NCAPG2: variants seen among roughly 807,000 people sequenced by gnomAD.
The protein encoded by NCAPG2 is non-SMC condensin II complex subunit G2, also known as condensin-2 complex subunit G2.
NCAPG2 carries 53 observed loss-of-function variants against 141.1 expected under a neutral mutation model. That is an observed-to-expected ratio of 0.38 (90% CI 0.30 to 0.47). The LOEUF (loss-of-function observed/expected upper bound fraction) is 0.47, where lower values mean the gene tolerates loss of function less well. Among genes scored for constraint, NCAPG2 ranks in the 20% least tolerant of loss-of-function variants. NCAPG2 has a pLI of 0.99. For synonymous variants in NCAPG2, 499 were observed against 490.7 expected (o/e 1.02, Z -0.22); for missense variants, 1,087 against 1,389.0 (o/e 0.78, Z 3.46).
intron 22 of NCAPG2, among the ~76,000 whole-genome samples, chr7:158,653,974 G>A (rs1370022452): frequency 6.6e-6 from 1 of 152,126 alleles, no homozygotes; most frequent in Non-Finnish European, 1.5e-5. Flanking sequence ...TAGGGGCTAG[G>A]CGTCAGGGGC....
At chr7:158,696,485 C>A (rs938714309) in intron 2 of NCAPG2, 1 of 152,118 alleles carries the variant, frequency 6.6e-6, no homozygotes, top group Non-Finnish European at 1.5e-5. Flanking sequence ...AACAGAATAT[C>A]TTTTAGAAAA....
intron 8 of NCAPG2, among the ~76,000 whole-genome samples, chr7:158,683,971 T>G (rs1414789711): frequency 6.6e-6 from 1 of 152,224 alleles, no homozygotes; most frequent in African/African-American, 2.4e-5. Flanking sequence ...AAAACCCCAG[T>G]GGACCCTATG....
rs766173486 is a variant in NCAPG2, at chr7:158,656,606, C to G, written c.2160G>C (p.Gly720=). The G allele has an allele frequency of 5.0e-6, 8 of 1,613,986 alleles. No individual in the cohort carries two copies. The African/African-American group carries it at 9.3e-5, about 19-fold the overall frequency. The change falls in exon 18 of 28, where the codon GGG becomes GGC. Residue 720 remains glycine, a synonymous_variant. Coordinates refer to ENST00000356309, the MANE Select transcript of NCAPG2 (RefSeq NM_017760.7). ...LDCLCSWGQV[G]HILELVDNWL... is the part of the protein sequence containing the mutation. The stretch of plus-strand genomic sequence containing the variant: ...AGTTGTCAACAAGCTCCAGAATGTG[C>G]CCCACCTGCCCCCAGGAGCAGAGGC...
At chr7:158,681,383 A>C (rs150215565) in intron 9 of NCAPG2, among the ~76,000 whole-genome samples, 312 of 152,228 alleles carry the variant, frequency 2.0e-3, no homozygotes, top group African/African-American at 6.7e-3. Flanking sequence ...TTCTTTTCCT[A>C]CTCACTTCTT....
At chr7:158,637,114 A>G (rs1830269122) in intron 27 of NCAPG2, among the ~76,000 whole-genome samples, 1 of 151,856 alleles carries the variant, frequency 6.6e-6, no homozygotes, top group Non-Finnish European at 1.5e-5. Flanking sequence ...TGCCCGGCTA[A>G]TTTTTTATAT....
intron 26 of NCAPG2, among the ~76,000 whole-genome samples, chr7:158,645,191 T>C (rs190781414): frequency 5.5e-4 from 84 of 152,246 alleles, no homozygotes; most frequent in East Asian, 1.9e-3. Flanking sequence ...AAGATACAGG[T>C]AACACATCAA....
At chr7:158,664,429 T>C in intron 14 of NCAPG2, 99 bp downstream of exon 14, 5 of 1,500,804 alleles carry the variant, frequency 3.3e-6, no homozygotes, top group Non-Finnish European at 4.6e-6. Context: ...TGCATTAAAG[T>C]ATGAAGCTTA....
At chr7:158,690,197 G>C (rs147120621) in intron 5 of NCAPG2, among the ~76,000 whole-genome samples, 2 of 152,278 alleles carry the variant, frequency 1.3e-5, no homozygotes, top group African/African-American at 4.8e-5. Flanking sequence ...CCTCGATGAT[G>C]AAGATTTTAT....
chr7:158,702,174 T>C, intron 1 of NCAPG2: 1 of 313,150 alleles, frequency 3.2e-6, no homozygotes, highest in Non-Finnish European at 5.8e-6. Flanking sequence ...CAATTGTTAA[T>C]AAAATTACCA....
At chr7:158,667,809 C>T (rs1475229817) in intron 13 of NCAPG2, among the ~76,000 whole-genome samples, 2 of 63,508 alleles carry the variant, frequency 3.1e-5, no homozygotes, top group African/African-American at 8.7e-5. Flanking sequence ...TCCCTCCGCC[C>T]TCCTTACCCA....
intron 11 of NCAPG2, among the ~76,000 whole-genome samples, chr7:158,677,525 C>CAAAAAAAAAAAAAAAAAAAAAAAAGAAA: frequency 2.2e-5 from 2 of 90,404 alleles, no homozygotes; most frequent in Non-Finnish European, 2.1e-5. Flanking sequence ...AAAAATAAAG[C>CAAAAAAAAAAAAAAAAAAAAAAAAGAAA]AAAAAAAAAA....
At chr7:158,685,191 T>C (rs1834682977) in intron 8 of NCAPG2, among the ~76,000 whole-genome samples, 1 of 152,222 alleles carries the variant, frequency 6.6e-6, no homozygotes, top group Non-Finnish European at 1.5e-5. Flanking sequence ...TGAGTTGGGA[T>C]TGTGGATTAC....
At chr7:158,655,687 C>G (rs908481847) in intron 19 of NCAPG2, among the ~76,000 whole-genome samples, 2 of 152,294 alleles carry the variant, frequency 1.3e-5, no homozygotes, top group South Asian at 2.1e-4. Flanking sequence ...TTGCCCTGCA[C>G]GCAGCACCAC....
intron 24 of NCAPG2, among the ~76,000 whole-genome samples, chr7:158,648,115 T>C (rs1286971915): frequency 6.6e-6 from 1 of 152,210 alleles, no homozygotes; most frequent in African/African-American, 2.4e-5. Context: ...CATCTTAAAG[T>C]GATTGTTGTA....
chr7:158,690,362 C>T (rs760934245), intron 5 of NCAPG2, among the ~76,000 whole-genome samples: 4 of 152,126 alleles, frequency 2.6e-5, no homozygotes, highest in Non-Finnish European at 5.9e-5. Context: ...TTGAATAGCG[C>T]AGGTTTAGAA....
chr7:158,632,354 A>G (rs73730473), intron 27 of NCAPG2, among the ~76,000 whole-genome samples: 7,199 of 152,180 alleles, frequency 0.047, 539 homozygotes, highest in African/African-American at 0.16. Context: ...GACAGGTAGC[A>G]TATCACTGTT....
At chr7:158,673,108 C>A (rs1157836242) in intron 12 of NCAPG2, among the ~76,000 whole-genome samples, 1 of 152,180 alleles carries the variant, frequency 6.6e-6, no homozygotes, top group African/African-American at 2.4e-5. Flanking sequence ...CAGGAAGGAG[C>A]AGGTGAACCT....
At chr7:158,663,284 G>A (rs905828082) in intron 15 of NCAPG2, among the ~76,000 whole-genome samples, 4 of 152,272 alleles carry the variant, frequency 2.6e-5, no homozygotes, top group Admixed American at 6.5e-5. Context: ...CTGGCAGTGA[G>A]GGTGTAGTGA....
At chr7:158,679,664 C>T (rs1231652115) in intron 11 of NCAPG2, among the ~76,000 whole-genome samples, 1 of 152,164 alleles carries the variant, frequency 6.6e-6, no homozygotes, top group Non-Finnish European at 1.5e-5. Flanking sequence ...CACCATATGA[C>T]ACCACCTCTC....
Sources: allele counts gnomAD v4.1 joint callset (sites outside exome capture counted in the v4.1 genomes callset), GRCh38; gene constraint gnomAD v4.1.1; transcripts MANE v1.5; gene names NCBI Gene and HGNC (gene_info 2026-07-23, HGNC 2026-07-21).